JMJD1C: variants seen among roughly 807,000 people sequenced by gnomAD.
The protein encoded by JMJD1C is jumonji domain-containing protein 1C.
Under a neutral mutation model 245.3 loss-of-function variants are expected in JMJD1C, and 31 were observed. The ratio of observed to expected loss-of-function variants is 0.13; its 90% CI spans 0.09 to 0.17. The LOEUF (loss-of-function observed/expected upper bound fraction) is 0.17. Among genes scored for constraint, JMJD1C ranks in the 10% least tolerant of loss-of-function variants. The pLI, the probability that JMJD1C is intolerant of heterozygous loss-of-function variation, is 1.00. For synonymous variants in JMJD1C, 1,057 were observed against 1,017.4 expected, an observed-to-expected ratio of 1.04 and a Z score of -0.74; for missense variants, 2,691 against 3,000.2, an observed-to-expected ratio of 0.90 and a Z score of 2.41.
At chr10:63,417,112 G>A (rs892261970) in intron 1 of JMJD1C, among the ~76,000 whole-genome samples, 3 of 151,946 alleles carry the variant, frequency 2.0e-5, no homozygotes, top group Admixed American at 6.6e-5. Context: ...AGTCACTGAC[G>A]GCACCTACTT....
chr10:63,275,514 AT>A (rs1329279828), intron 2 of JMJD1C, among the ~76,000 whole-genome samples: 1 of 152,222 alleles, frequency 6.6e-6, no homozygotes, highest in Non-Finnish European at 1.5e-5. Flanking sequence ...TTTTAAAGCT[AT>A]GTTCAGAAAA....
rs147861003 is a variant in JMJD1C, at chr10:63,254,914, C to T, written c.447+9737G>A. Among the ~76,000 whole-genome samples the T allele has an allele frequency of 6.9e-4, 105 of 151,696 alleles. No homozygotes were observed. The East Asian group carries it at 0.017, about 25-fold the overall frequency. On this transcript the variant is annotated intron_variant, in intron 3 of 25. Coordinates refer to ENST00000399262, the MANE Select transcript of JMJD1C (RefSeq NM_032776.3). ...TGTCACCCAGGCTCAAGTGCAGTGG[C>T]GAGACCATGGCTCACTGTAGCCTCA...
intron 1 of JMJD1C, among the ~76,000 whole-genome samples, chr10:63,381,551 G>C (rs1002875200): frequency 3.9e-5 from 6 of 152,106 alleles, no homozygotes; most frequent in Non-Finnish European, 7.4e-5. Context: ...CAAACAAAAA[G>C]TGGATCTCAT....
Position 63,305,420 on chromosome 10 carries a change from C to T in JMJD1C, c.334-40656G>A, listed in dbSNP as rs182127300. Among the ~76,000 whole-genome samples the T allele has an allele frequency of 2.0e-4, 30 of 149,098 alleles. No individual in the cohort carries two copies. In the East Asian group the frequency reaches 5.4e-3, roughly 27 times the overall value. Reference sequence around the variant, plus strand: ...GCAGTGAGCTCTAATTGTACCACTACTACACTCCAGCCTGGATGACATGGC... The same window carrying T: ...GCAGTGAGCTCTAATTGTACCACTATTACACTCCAGCCTGGATGACATGGC... On this transcript the variant is annotated intron_variant, in intron 2 of 25. Transcript: ENST00000399262.
chr10:63,466,451 G>A (rs939717205), upstream of JMJD1C: 2 of 152,420 alleles, frequency 1.3e-5, no homozygotes, highest in African/African-American at 4.8e-5. Flanking sequence ...CAAAGTCACA[G>A]CAGAACCAAC....
upstream of JMJD1C, among the ~76,000 whole-genome samples, chr10:63,468,199 CTT>C (rs774429433): frequency 9.2e-5 from 14 of 152,146 alleles, no homozygotes; most frequent in Non-Finnish European, 1.8e-4. Context: ...AATCAAGTAT[CTT>C]AATATTCTTA....
chr10:63,206,975 G>A lies in JMJD1C; in HGVS notation c.4694C>T (p.Thr1565Ile), dbSNP rs776963001. 1.7e-5 allele frequency: 27 copies of A among 1,611,266 alleles called. No individual in the cohort carries two copies. The highest frequency in any genetic ancestry group is 1.7e-4 in the Middle Eastern group (1 of 6,056). ...LTRHSEEDKN[T>I]NKMENSGNSV... Reference sequence around the variant, plus strand: ...ATTCCCTGAATTTTCCATTTTATTAGTATTTTTATCTTCTTCTGAGTGTCT... The same window carrying A: ...ATTCCCTGAATTTTCCATTTTATTAATATTTTTATCTTCTTCTGAGTGTCT... Residue 1565 changes from threonine to isoleucine, a missense_variant, in exon 10 of 26, where the codon ACT becomes ATT. Around this residue, in one of 9 missense-constraint regions of JMJD1C, gnomAD observed 144 missense variants for 143.3 expected, o/e 1.00. Transcript: ENST00000399262.
intron 1 of JMJD1C, among the ~76,000 whole-genome samples, chr10:63,518,405 C>T (rs1360432684): frequency 2.0e-5 from 3 of 152,108 alleles, no homozygotes; most frequent in Non-Finnish European, 4.4e-5. Flanking sequence ...GGAAAAGAGA[C>T]ATGAAAATGA....
intron 3 of JMJD1C, among the ~76,000 whole-genome samples, chr10:63,248,133 A>G (rs1348227244): frequency 2.6e-5 from 4 of 151,806 alleles, no homozygotes; most frequent in Admixed American, 2.6e-4. Context: ...ACGCTGAAGC[A>G]GTATATTTTA....
intron 1 of JMJD1C, among the ~76,000 whole-genome samples, chr10:63,459,104 A>T (rs182171181): frequency 6.8e-4 from 103 of 152,378 alleles, no homozygotes; most frequent in Non-Finnish European, 1.3e-3. Context: ...AATATAGCAC[A>T]GTTCCTAGGC....
chr10:63,394,222 T>C (rs567290355), intron 1 of JMJD1C, among the ~76,000 whole-genome samples: 6 of 146,310 alleles, frequency 4.1e-5, no homozygotes, highest in South Asian at 2.1e-4. Flanking sequence ...TAAAGGTATA[T>C]GGCATCAAAA....
chr10:63,262,789 T>C (rs1220373317), intron 3 of JMJD1C, among the ~76,000 whole-genome samples: 1 of 145,918 alleles, frequency 6.9e-6, no homozygotes, highest in Non-Finnish European at 1.5e-5. Context: ...TTAGCTCTTA[T>C]GCCTCTCAAA....
intron 3 of JMJD1C, among the ~76,000 whole-genome samples, chr10:63,246,926 A>T (rs2133576202): frequency 6.6e-6 from 1 of 152,112 alleles, no homozygotes; most frequent in African/African-American, 2.4e-5. Flanking sequence ...AATCTACGGG[A>T]TTTGGCAAAA....
intron 2 of JMJD1C, among the ~76,000 whole-genome samples, chr10:63,294,963 G>A (rs1859196231): frequency 6.6e-6 from 1 of 151,938 alleles, no homozygotes; most frequent in South Asian, 2.1e-4. Flanking sequence ...GTTGCAGCCA[G>A]TCTACAGTTT....
chr10:63,348,477 G>C (rs1185108072), intron 2 of JMJD1C, among the ~76,000 whole-genome samples: 1 of 152,134 alleles, frequency 6.6e-6, no homozygotes, highest in East Asian at 1.9e-4. Context: ...AATGACATTG[G>C]GTCAGGATAG....
At chr10:63,307,125 T>G (rs1387948862) in intron 2 of JMJD1C, among the ~76,000 whole-genome samples, 1 of 152,150 alleles carries the variant, frequency 6.6e-6, no homozygotes, top group Non-Finnish European at 1.5e-5. Flanking sequence ...CAGTGGTTGG[T>G]GTCCACAACA....
At chr10:63,493,249 C>CTT (rs752941477) in intron 1 of JMJD1C, among the ~76,000 whole-genome samples, 1,057 of 49,166 alleles carry the variant, frequency 0.021, 268 homozygotes, top group African/African-American at 0.035. Context: ...ACTGTTATTT[C>CTT]TTTTTTTTTT....
intron 2 of JMJD1C, among the ~76,000 whole-genome samples, chr10:63,347,490 C>T (rs1282268619): frequency 6.8e-6 from 1 of 148,028 alleles, no homozygotes; most frequent in Non-Finnish European, 1.5e-5. Flanking sequence ...GAGGCTGAGG[C>T]AGGAGAATTG....
intron 3 of JMJD1C, chr10:63,222,263 G>A (rs1353220488): frequency 2.6e-5 from 22 of 838,540 alleles, no homozygotes; most frequent in Non-Finnish European, 4.2e-5. Context: ...GGATGTAACA[G>A]GGAGAGCTGT....
Sources: allele counts gnomAD v4.1 joint callset (sites outside exome capture counted in the v4.1 genomes callset), GRCh38; gene constraint gnomAD v4.1.1; regional missense constraint gnomAD v4.1.1; transcripts MANE v1.5; gene names NCBI Gene and HGNC (gene_info 2026-07-23, HGNC 2026-07-21).